Variants in DPYSL2 observed in about 807,000 individuals in gnomAD.
DPYSL2 encodes the protein dihydropyrimidinase like 2.
DPYSL2 carries 13 observed loss-of-function variants against 69.9 expected under a neutral mutation model. The observed-to-expected ratio is 0.19, with a 90% CI of 0.12 to 0.30. The LOEUF is 0.30. Among genes scored for constraint, DPYSL2 ranks in the 10% least tolerant of loss-of-function variants. The pLI is 1.00. For synonymous variants in DPYSL2, 326 were observed against 359.1 expected (o/e 0.91, Z 1.04); for missense variants, 587 against 918.9 (o/e 0.64, Z 4.67).
In DPYSL2 at chr8:26,644,149, T is replaced by G; in HGVS notation, c.1425+58T>G. The G allele has an allele frequency of 1.3e-6, 2 of 1,577,406 alleles. No individual in the cohort carries two copies. The highest frequency in any genetic ancestry group is 1.7e-6 in the Non-Finnish European group (2 of 1,159,954). On this transcript the variant is annotated intron_variant, in intron 10 of 13. Coordinates refer to ENST00000521913, the MANE Select transcript of DPYSL2 (RefSeq NM_001197293.3). The surrounding 1 kb of genome is among the most constrained non-coding windows in gnomAD (Gnocchi z 4.5). ...CTCAGCCTTCCTTGTCCTCCTCATC[T>G]GGGGGCCATGGGGCTCATGGAGGCC...
At chr8:26,544,659 T>A (rs554232053) in intron 1 of DPYSL2, among the ~76,000 whole-genome samples, 1 of 152,242 alleles carries the variant, frequency 6.6e-6, no homozygotes, top group Non-Finnish European at 1.5e-5. Context: ...TGGATATAAG[T>A]ACATGTGTCA....
rs560520659 is a variant in DPYSL2, at chr8:26,533,037, A to T, written c.354+18358A>T. ...CCAACTTCGCCGCATCCTTGTCTAC[A>T]CTTGTTATTGTCTGTCTTTTTGATT... On this transcript the variant is annotated intron_variant, in intron 1 of 13. Coordinates refer to ENST00000521913, the MANE Select transcript of DPYSL2 (RefSeq NM_001197293.3). This position sits in a 1 kb window ranked among gnomAD's most constrained non-coding sequence, Gnocchi z 4.8. Among the ~76,000 whole-genome samples the T allele has an allele frequency of 6.6e-6, 1 of 152,092 alleles. No individual in the cohort carries two copies. The highest frequency in any genetic ancestry group is 1.5e-5 in the Non-Finnish European group (1 of 68,024).
Position 26,516,356 on chromosome 8 carries a change from T to C in DPYSL2, c.354+1677T>C, listed in dbSNP as rs1032990104. Among the ~76,000 whole-genome samples the C allele has an allele frequency of 1.3e-5, 2 of 152,226 alleles. No individual in the cohort carries two copies. The highest frequency in any genetic ancestry group is 2.9e-5 in the Non-Finnish European group (2 of 68,042). Reference sequence around the variant, plus strand: ...ACATTGAGTGAGGGCCAAAATCATATAGCATCTTGGTTGAGTGAGTAGCCT... The same window carrying C: ...ACATTGAGTGAGGGCCAAAATCATACAGCATCTTGGTTGAGTGAGTAGCCT... On this transcript the variant is annotated intron_variant, in intron 1 of 13. Coordinates refer to ENST00000521913, the MANE Select transcript of DPYSL2 (RefSeq NM_001197293.3). The surrounding 1 kb of genome is among the most constrained non-coding windows in gnomAD (Gnocchi z 4.8).
At chr8:26,524,461 G>T (rs573418571) in intron 1 of DPYSL2, among the ~76,000 whole-genome samples, 1 of 152,094 alleles carries the variant, frequency 6.6e-6, no homozygotes, top group Non-Finnish European at 1.5e-5. Flanking sequence ...ACCATGGATA[G>T]TATTTTGTTG....
chr8:26,522,543 C>T (rs12680365), intron 1 of DPYSL2, among the ~76,000 whole-genome samples: 38,294 of 152,100 alleles, frequency 0.25, 4,854 homozygotes, highest in South Asian at 0.37. Flanking sequence ...ATAACCATCA[C>T]GTGGGTGGGA....
At chr8:26,622,765 G>C (rs952183010) in intron 3 of DPYSL2, among the ~76,000 whole-genome samples, 4 of 152,168 alleles carry the variant, frequency 2.6e-5, no homozygotes, top group South Asian at 4.1e-4. Context: ...GCCTCCCAAA[G>C]TGCAACGGCT....
intron 1 of DPYSL2, chr8:26,578,633 G>A (rs903912109): frequency 8.6e-7 from 1 of 1,159,070 alleles, no homozygotes; most frequent in African/African-American, 1.6e-5. Flanking sequence ...GAATATGCAT[G>A]CCTGGAGCTC....
Position 26,657,564 on chromosome 8 carries a change from AG to A in DPYSL2, c.*1860del, listed in dbSNP as rs1012818756. The A allele has an allele frequency of 3.7e-4, 57 of 152,572 alleles. No individual in the cohort carries two copies. Among genetic ancestry groups the A allele is most frequent in the African/African-American group, 1.2e-3 (50 of 41,412 alleles). 9.5% of individuals were successfully genotyped at this position (152,572 alleles called of 1,614,324 possible). A position where few individuals can be genotyped will look rare whatever the true frequency, so the allele number is the denominator to read the frequency against. ...TGTTGTTGTTTATTTGTTATTTTAAAGGTAAATTGCACTTTTAAAAAAATAA... is the reference window on the plus strand; with the variant it reads ...TGTTGTTGTTTATTTGTTATTTTAAAGTAAATTGCACTTTTAAAAAAATAA... On this transcript the variant is annotated 3_prime_UTR_variant, in exon 14 of 14. Transcript: ENST00000521913.
intron 7 of DPYSL2, among the ~76,000 whole-genome samples, chr8:26,630,856 C>T (rs1311196530): frequency 6.6e-6 from 1 of 152,204 alleles, no homozygotes; most frequent in African/African-American, 2.4e-5. Context: ...AGCTTAAAGC[C>T]ACACCTGGAC....
chr8:26,584,527 G>A (rs1276979351), intron 3 of DPYSL2, among the ~76,000 whole-genome samples: 1 of 151,888 alleles, frequency 6.6e-6, no homozygotes, highest in Non-Finnish European at 1.5e-5. Context: ...TCTGGAGGGG[G>A]ACCCACAGGT....
At chr8:26,568,575 G>C (rs1801188196) in intron 1 of DPYSL2, among the ~76,000 whole-genome samples, 1 of 152,156 alleles carries the variant, frequency 6.6e-6, no homozygotes, top group African/African-American at 2.4e-5. Flanking sequence ...AGCATTCACA[G>C]ACTAAGCTAA....
intron 1 of DPYSL2, among the ~76,000 whole-genome samples, chr8:26,542,398 G>C (rs903632710): frequency 7.4e-5 from 8 of 108,504 alleles, no homozygotes; most frequent in African/African-American, 3.4e-4. Context: ...ATTGTTTCCA[G>C]GTTTTTAAAA....
chr8:26,590,355 C>G (rs997870581), intron 3 of DPYSL2, among the ~76,000 whole-genome samples: 1 of 152,220 alleles, frequency 6.6e-6, no homozygotes, highest in Non-Finnish European at 1.5e-5. Context: ...ACACATTTCT[C>G]CTAAGGACAC....
chr8:26,558,352 T>C (rs1425015888), intron 1 of DPYSL2, among the ~76,000 whole-genome samples: 1 of 152,194 alleles, frequency 6.6e-6, no homozygotes, highest in Non-Finnish European at 1.5e-5. Context: ...AAAGGCTACA[T>C]AATGTGATTC....
chr8:26,652,294 G>A lies in DPYSL2; in HGVS notation c.1634G>A (p.Arg545His), dbSNP rs183264279. The change falls in exon 12 of 14, where the codon CGC (arginine) becomes CAC (histidine). Residue 545 changes from arginine (R) to histidine (H), a missense_variant. Around this residue, in one of 3 missense-constraint regions of DPYSL2, gnomAD observed 452 missense variants for 754.3 expected, o/e 0.60. Transcript: ENST00000521913. This position sits in a 1 kb window ranked among gnomAD's most constrained non-coding sequence, Gnocchi z 6.3. ...EYNIFEGMEC[R>H]GSPLVVISQG... is the part of the protein sequence containing the mutation. ...AACATCTTTGAAGGCATGGAGTGCC[G>A]CGGCTCCCCACTGGTGGTCATCAGC... 24 of 1,614,094 alleles carry A rather than the reference G, an allele frequency of 1.5e-5. No homozygotes were observed. In the African/African-American group the frequency reaches 2.3e-4, roughly 15 times the overall value.
At chr8:26,576,570 G>A (rs997839558) in intron 1 of DPYSL2, among the ~76,000 whole-genome samples, 3 of 152,188 alleles carry the variant, frequency 2.0e-5, no homozygotes, top group Non-Finnish European at 4.4e-5. Context: ...TGAAGTTAGA[G>A]CATCCCAGCA....
In DPYSL2 at chr8:26,523,743, C is replaced by T. The variant is rs1808430001; in HGVS notation, c.354+9064C>T. Among the ~76,000 whole-genome samples, 3 of 152,082 alleles carry T rather than the reference C, an allele frequency of 2.0e-5. No homozygotes were observed. The South Asian group carries it at 6.2e-4, about 32-fold the overall frequency. Reference sequence around the variant, plus strand: ...TGGTGCCATCATAGCCCACTGTAACCTCAAACTCCTGGGCTCAAGCAATCC... The same window carrying T: ...TGGTGCCATCATAGCCCACTGTAACTTCAAACTCCTGGGCTCAAGCAATCC... On this transcript the variant is annotated intron_variant, in intron 1 of 13. Transcript: ENST00000521913.
intron 1 of DPYSL2, among the ~76,000 whole-genome samples, chr8:26,566,430 A>G (rs994917772): frequency 1.3e-5 from 2 of 152,370 alleles, no homozygotes; most frequent in Admixed American, 6.5e-5. Flanking sequence ...ATGCTCAAAG[A>G]GTAAATACCT....
Position 26,574,625 on chromosome 8 carries a change from A to G in DPYSL2, c.355-7344A>G, listed in dbSNP as rs561742744. Reference sequence around the variant, plus strand: ...CTTTCTCATGTTTGGCATGAATTTAATGTTTAAAAATTCAGAAAAGTCATG... The same window carrying G: ...CTTTCTCATGTTTGGCATGAATTTAGTGTTTAAAAATTCAGAAAAGTCATG... On this transcript the variant is annotated intron_variant, in intron 1 of 13. Coordinates refer to ENST00000521913, the MANE Select transcript of DPYSL2 (RefSeq NM_001197293.3). 5.9e-5 allele frequency among the ~76,000 whole-genome samples: 9 copies of G among 152,346 alleles called. No homozygotes were observed. In the South Asian group the frequency reaches 1.9e-3, roughly 32 times the overall value.
Sources: allele counts gnomAD v4.1 joint callset (sites outside exome capture counted in the v4.1 genomes callset), GRCh38; gene constraint gnomAD v4.1.1; regional missense constraint gnomAD v4.1.1; non-coding constraint Gnocchi (gnomAD v3.1); transcripts MANE v1.5; gene names NCBI Gene and HGNC (gene_info 2026-07-23, HGNC 2026-07-21).